VPS53: variants seen among roughly 807,000 people sequenced by gnomAD.
The protein encoded by VPS53 is VPS53 subunit of GARP complex, also known as vacuolar protein sorting-associated protein 53 homolog.
VPS53 carries 70 observed loss-of-function variants against 107.0 expected under a neutral mutation model. The observed-to-expected ratio is 0.65, with a 90% CI of 0.54 to 0.80. The LOEUF (loss-of-function observed/expected upper bound fraction) is 0.80, where lower values mean the gene tolerates loss of function less well. Among genes scored for constraint, VPS53 ranks in the 30% least tolerant of loss-of-function variants. VPS53 has a pLI of 0.00. For synonymous variants in VPS53, 409 were observed against 393.3 expected (o/e 1.04, Z -0.47); for missense variants, 917 against 1,049.4 (o/e 0.87, Z 1.74).
intron 14 of VPS53, 95 bp downstream of exon 14, chr17:562,408 T>C (rs1913099381): frequency 6.5e-7 from 1 of 1,541,920 alleles, no homozygotes; most frequent in African/African-American, 1.4e-5. Context: ...TTGATACTCT[T>C]GGTGGTTTAG....
At chr17:643,331 T>C in intron 7 of VPS53, among the ~76,000 whole-genome samples, 1 of 137,586 alleles carries the variant, frequency 7.3e-6, no homozygotes, top group East Asian at 2.2e-4. Flanking sequence ...ACACTCATAC[T>C]TGGCAACTGA....
intron 15 of VPS53, 58 bp from the exon 16 acceptor site, chr17:553,520 C>T: frequency 1.6e-6 from 2 of 1,258,482 alleles, no homozygotes; most frequent in Non-Finnish European, 2.3e-6. Flanking sequence ...GAAGTACCAT[C>T]ACAATAATAG....
chr17:526,996 T>C (rs1909168765), intron 19 of VPS53, among the ~76,000 whole-genome samples: 1 of 152,256 alleles, frequency 6.6e-6, no homozygotes, highest in East Asian at 1.9e-4. Context: ...CAGCTCAGGC[T>C]ATCAGGAGGG....
At chr17:672,615 T>C (rs1972009967) in intron 4 of VPS53, among the ~76,000 whole-genome samples, 1 of 152,186 alleles carries the variant, frequency 6.6e-6, no homozygotes, top group Non-Finnish European at 1.5e-5. Flanking sequence ...GATGGAATCT[T>C]TGAACCATGC....
rs1179251628 is a variant in VPS53 at position 515,955 on chromosome 17, GCTTTT to G, written c.*3168_*3172del. On this transcript the variant is annotated 3_prime_UTR_variant, in exon 22 of 22. Coordinates refer to ENST00000437048, the MANE Select transcript of VPS53 (RefSeq NM_001128159.3). ...GATTACAGGCACCCGCCACCTGCCT[GCTTTT>G]TTTTTTTTTTTTTTTGTATTTTTAG... 1 of 99,320 alleles carries G rather than the reference GCTTTT, an allele frequency of 1.0e-5. No homozygotes were observed. Among genetic ancestry groups the G allele is most frequent in the Non-Finnish European group, 1.7e-5 (1 of 58,132 alleles). 6.2% of individuals were successfully genotyped at this position (99,320 alleles called of 1,614,324 possible).
At chr17:535,422 G>A (rs7212329) in intron 18 of VPS53, among the ~76,000 whole-genome samples, 27,351 of 124,232 alleles carry the variant, frequency 0.22, 3,686 homozygotes, top group Admixed American at 0.32. Flanking sequence ...CTCCTCCTTC[G>A]CTTTAATGTA....
chr17:618,259 G>A (rs1969245006), intron 11 of VPS53, among the ~76,000 whole-genome samples: 1 of 77,938 alleles, frequency 1.3e-5, no homozygotes, highest in Non-Finnish European at 3.0e-5. Flanking sequence ...GCACCACCAC[G>A]CCTGCTAATA....
At position 575,592 on chromosome 17, in the gene VPS53, A is replaced by G. The variant is rs530550988; in HGVS notation, c.1313+10678T>C. ...TGCGTTCCCAGAGAACCTTCCTCAG[A>G]ACCTCAATGCATTCCCAGAGAACTT... On this transcript the variant is annotated intron_variant, in intron 13 of 21. Coordinates refer to ENST00000437048, the MANE Select transcript of VPS53 (RefSeq NM_001128159.3). Among the ~76,000 whole-genome samples the G allele has an allele frequency of 2.6e-5, 4 of 151,634 alleles. No individual in the cohort carries two copies. The South Asian group carries it at 8.3e-4, about 32-fold the overall frequency.
At chr17:633,995 T>C (rs148962724) in intron 7 of VPS53, among the ~76,000 whole-genome samples, 45 of 152,254 alleles carry the variant, frequency 3.0e-4, no homozygotes, top group African/African-American at 8.4e-4. Context: ...AGGGAACTTA[T>C]AGTAGGAACT....
At chr17:640,580 CTT>C (rs1220998568) in intron 7 of VPS53, among the ~76,000 whole-genome samples, 3 of 152,036 alleles carry the variant, frequency 2.0e-5, no homozygotes, top group Non-Finnish European at 4.4e-5. Flanking sequence ...AAAGTCACCT[CTT>C]GAGATAGGCT....
chr17:544,216 G>A (rs1440565731), intron 17 of VPS53, among the ~76,000 whole-genome samples: 1 of 152,196 alleles, frequency 6.6e-6, no homozygotes, highest in Non-Finnish European at 1.5e-5. Context: ...CCATGATGAT[G>A]GTGAATGCTT....
At chr17:658,818 T>C (rs1234035722) in intron 5 of VPS53, among the ~76,000 whole-genome samples, 1 of 152,060 alleles carries the variant, frequency 6.6e-6, no homozygotes, top group East Asian at 1.9e-4. Flanking sequence ...TACATCCCAC[T>C]GAAGTGAGAC....
chr17:533,356 C>T (rs766622738), intron 18 of VPS53, among the ~76,000 whole-genome samples: 2 of 152,124 alleles, frequency 1.3e-5, no homozygotes, highest in Non-Finnish European at 2.9e-5. Flanking sequence ...CAGTCCTCCT[C>T]CCTTGGGCTC....
Position 524,552 on chromosome 17 carries a change from A to AACAACAGGCAAACAAT in VPS53, c.2086-2830_2086-2815dup, listed in dbSNP as rs1445804642. On this transcript the variant is annotated intron_variant, in intron 19 of 21. Coordinates refer to ENST00000437048, the MANE Select transcript of VPS53 (RefSeq NM_001128159.3). The surrounding 1 kb of genome is among the most constrained non-coding windows in gnomAD (Gnocchi z 4.5). The stretch of plus-strand genomic sequence containing the variant: ...GCACAAACTATCCCAACAGCGACAC[A>AACAACAGGCAAACAAT]ACAACAGGCAAACAATACTAACACC... Among the ~76,000 whole-genome samples, 5 of 152,236 alleles carry AACAACAGGCAAACAAT rather than the reference A, an allele frequency of 3.3e-5. No homozygotes were observed. Among genetic ancestry groups the AACAACAGGCAAACAAT allele is most frequent in the Admixed American group, 3.3e-4 (5 of 15,284 alleles).
chr17:664,761 G>A (rs971088895), intron 4 of VPS53, among the ~76,000 whole-genome samples: 3 of 152,200 alleles, frequency 2.0e-5, no homozygotes, highest in Admixed American at 6.5e-5. Context: ...AGAGGCAGCC[G>A]GTGCTGACGG....
rs1908303045 is a variant in VPS53, at chr17:516,238, C to T, written c.*2890G>A. ...ATGTATGAAAATGCGTGGCAGGAGC[C>T]CTTCCATAAAGCAAATCTCTCTGTT... On this transcript the variant is annotated 3_prime_UTR_variant, in exon 22 of 22. Transcript: ENST00000437048. The T allele has an allele frequency of 6.6e-6, 1 of 152,030 alleles. No homozygotes were observed. The highest frequency in any genetic ancestry group is 2.1e-4 in the South Asian group (1 of 4,820). The allele number at this position is 152,030 out of a possible 1,614,324, so 9.4% of individuals were successfully genotyped here.
intron 11 of VPS53, among the ~76,000 whole-genome samples, chr17:612,143 A>G (rs1336895699): frequency 2.0e-5 from 3 of 152,260 alleles, no homozygotes; most frequent in African/African-American, 7.2e-5. Flanking sequence ...TAGTGAATTC[A>G]CACAGTGAAA....
intron 7 of VPS53, among the ~76,000 whole-genome samples, chr17:635,048 C>G (rs192752728): frequency 1.3e-5 from 2 of 152,292 alleles, no homozygotes; most frequent in African/African-American, 4.8e-5. Flanking sequence ...CACATCCTCT[C>G]CAGCATCTGT....
At chr17:602,768 C>T (rs1968385325) in intron 11 of VPS53, among the ~76,000 whole-genome samples, 1 of 152,172 alleles carries the variant, frequency 6.6e-6, no homozygotes, top group Non-Finnish European at 1.5e-5. Flanking sequence ...TCACTGATGA[C>T]GTTAATTCCA....
Sources: gnomAD v4.1 joint callset for allele counts (sites outside exome capture counted in the v4.1 genomes callset) on GRCh38, gnomAD v4.1.1 for gene constraint, Gnocchi (gnomAD v3.1) non-coding constraint, MANE v1.5 for transcripts, NCBI Gene and HGNC (gene_info 2026-07-23, HGNC 2026-07-21) for gene names.